FRMD4A: variants seen among roughly 807,000 people sequenced by gnomAD.
FRMD4A encodes FERM domain containing 4A, also known as FERM domain-containing protein 4A.
Under a neutral mutation model 129.1 loss-of-function variants are expected in FRMD4A, and 29 were observed. The observed-to-expected ratio is 0.22, with a 90% CI of 0.17 to 0.31. The LOEUF is 0.31. Ranked by LOEUF, FRMD4A falls within the 10% of genes least tolerant of loss-of-function variation. The probability of loss-of-function intolerance (pLI) is 1.00; values close to 1 mark genes in which losing one functional copy is unlikely to be tolerated. For synonymous variants in FRMD4A, 634 were observed against 571.6 expected, an observed-to-expected ratio of 1.11 and a Z score of -1.56; for missense variants, 1,272 against 1,375.8, an observed-to-expected ratio of 0.92 and a Z score of 1.19.
At chr10:13,776,332 A>G (rs1259486991) in intron 6 of FRMD4A, among the ~76,000 whole-genome samples, 1 of 152,090 alleles carries the variant, frequency 6.6e-6, no homozygotes, top group Non-Finnish European at 1.5e-5. Context: ...GCTGGTCTCA[A>G]GCTCCTAAGA....
Position 14,082,080 on chromosome 10 carries a change from T to C in FRMD4A, c.46-223168A>G, listed in dbSNP as rs150068012. On this transcript the variant is annotated intron_variant, in intron 2 of 24. Coordinates refer to ENST00000357447, the MANE Select transcript of FRMD4A (RefSeq NM_018027.5). The stretch of plus-strand genomic sequence containing the variant: ...GGCTAACATGGTGAAACCCCATCTC[T>C]ACTAAAAATACAAGAAATTAGCTGG... Among the ~76,000 whole-genome samples, 1,275 of 152,164 alleles carry C rather than the reference T, an allele frequency of 8.4e-3. 16 individuals are homozygous for C. The highest frequency in any genetic ancestry group is 0.029 in the African/African-American group (1,190 of 41,508).
chr10:14,245,175 A>G (rs1022302806), intron 2 of FRMD4A, among the ~76,000 whole-genome samples: 2 of 152,182 alleles, frequency 1.3e-5, no homozygotes, highest in Non-Finnish European at 2.9e-5. Context: ...AAGTGAAGCC[A>G]TGGACCTTTC....
chr10:13,696,778 C>T (rs989867992), intron 14 of FRMD4A, among the ~76,000 whole-genome samples: 1 of 152,076 alleles, frequency 6.6e-6, no homozygotes, highest in Non-Finnish European at 1.5e-5. Flanking sequence ...AGAATCTTGG[C>T]TCTTCCCAGT....
At chr10:13,708,529 G>A (rs535398654) in intron 12 of FRMD4A, among the ~76,000 whole-genome samples, 7 of 152,248 alleles carry the variant, frequency 4.6e-5, no homozygotes, top group African/African-American at 1.4e-4. Context: ...TTTTGTCCCC[G>A]GCTCAGAGTG....
intron 2 of FRMD4A, among the ~76,000 whole-genome samples, chr10:14,153,281 G>C (rs771872502): frequency 6.6e-6 from 1 of 152,174 alleles, no homozygotes; most frequent in Non-Finnish European, 1.5e-5. Context: ...ATATATTAAG[G>C]TTCACACTTG....
chr10:14,293,932 TTAA>T (rs1845926625), intron 2 of FRMD4A, among the ~76,000 whole-genome samples: 1 of 134,654 alleles, frequency 7.4e-6, no homozygotes. Flanking sequence ...TAATGTAAAT[TTAA>T]GAAGAAGGAG....
chr10:14,135,809 G>A (rs909321585), intron 2 of FRMD4A, among the ~76,000 whole-genome samples: 15 of 152,000 alleles, frequency 9.9e-5, no homozygotes, highest in Admixed American at 7.2e-4. Context: ...TTTATTTTGC[G>A]GGATCTACTT....
chr10:14,021,552 G>T (rs1160266531), intron 2 of FRMD4A, among the ~76,000 whole-genome samples: 1 of 151,838 alleles, frequency 6.6e-6, no homozygotes, highest in Non-Finnish European at 1.5e-5. Context: ...GGGAGACCCT[G>T]ACTCAAATAA....
At chr10:14,228,998 C>T (rs776298952) in intron 2 of FRMD4A, among the ~76,000 whole-genome samples, 22 of 152,090 alleles carry the variant, frequency 1.4e-4, no homozygotes, top group Non-Finnish European at 2.9e-4. Context: ...CGGTCTAACA[C>T]GAGCCCTGCT....
chr10:14,259,964 G>A (rs912605335), intron 2 of FRMD4A, among the ~76,000 whole-genome samples: 8 of 149,744 alleles, frequency 5.3e-5, no homozygotes, highest in African/African-American at 2.0e-4. Context: ...CAATACTCAC[G>A]TCTTCAGAAA....
intron 2 of FRMD4A, among the ~76,000 whole-genome samples, chr10:13,878,013 C>T (rs1233371319): frequency 6.6e-6 from 1 of 152,138 alleles, no homozygotes; most frequent in Admixed American, 6.5e-5. Context: ...GGTGGAAATG[C>T]TGTCACAGAC....
chr10:14,088,760 T>C (rs1588949157), intron 2 of FRMD4A, among the ~76,000 whole-genome samples: 2 of 110,658 alleles, frequency 1.8e-5, no homozygotes, highest in Non-Finnish European at 3.3e-5. Flanking sequence ...CACTCCAGCC[T>C]GGGGGACAGA....
At chr10:13,691,041 A>T (rs2085642426) in intron 15 of FRMD4A, among the ~76,000 whole-genome samples, 1 of 152,194 alleles carries the variant, frequency 6.6e-6, no homozygotes, top group Non-Finnish European at 1.5e-5. Context: ...AGGCTGGAGT[A>T]CAGTAGCATC....
intron 2 of FRMD4A, among the ~76,000 whole-genome samples, chr10:14,316,449 G>GA (rs1846741634): frequency 1.5e-5 from 2 of 130,072 alleles, no homozygotes; most frequent in South Asian, 2.6e-4. Flanking sequence ...GTGGAACTGT[G>GA]AAAAAATAGA....
chr10:13,967,523 C>A (rs1009909535), intron 2 of FRMD4A, among the ~76,000 whole-genome samples: 1 of 152,114 alleles, frequency 6.6e-6, no homozygotes, highest in Admixed American at 6.5e-5. Flanking sequence ...TCCCCAATAA[C>A]CTATGGAAAT....
Position 13,709,161 on chromosome 10 carries a change from GC to G in FRMD4A, c.760-2049del, listed in dbSNP as rs538516574. On this transcript the variant is annotated intron_variant, in intron 12 of 24. Transcript: ENST00000357447. ...TATTTTTTAGTAGAGATGGGGTTTT[GC>G]CATGTTGGGCAGGCTGGTCTCCAAC... 1.6e-3 allele frequency among the ~76,000 whole-genome samples: 248 copies of G among 152,224 alleles called. 1 individual carries two copies. The highest frequency in any genetic ancestry group is 5.4e-3 in the African/African-American group (226 of 41,550).
intron 7 of FRMD4A, among the ~76,000 whole-genome samples, chr10:13,762,286 A>G (rs1207345793): frequency 6.6e-6 from 1 of 152,176 alleles, no homozygotes; most frequent in Non-Finnish European, 1.5e-5. Flanking sequence ...TTTTTTGGCC[A>G]CTAACTCTAG....
intron 2 of FRMD4A, among the ~76,000 whole-genome samples, chr10:14,270,464 C>T (rs993867698): frequency 3.3e-5 from 5 of 152,174 alleles, no homozygotes; most frequent in African/African-American, 1.2e-4. Context: ...TTTCCAAATT[C>T]CTCACCTATC....
intron 2 of FRMD4A, among the ~76,000 whole-genome samples, chr10:14,318,319 C>A (rs1358959456): frequency 5.6e-4 from 15 of 26,598 alleles, no homozygotes; most frequent in East Asian, 9.8e-4. Flanking sequence ...CAAGCTATAT[C>A]CCCCCCCACC....
Sources: gnomAD v4.1 joint callset for allele counts (sites outside exome capture counted in the v4.1 genomes callset) on GRCh38, gnomAD v4.1.1 for gene constraint, MANE v1.5 for transcripts, NCBI Gene and HGNC (gene_info 2026-07-23, HGNC 2026-07-21) for gene names.